The following PCSK5 variants were observed in gnomAD, a reference collection of about 807,000 sequenced individuals.
The protein encoded by PCSK5 is proprotein convertase subtilisin/kexin type 5.
PCSK5 carries 129 observed loss-of-function variants against 233.2 expected under a neutral mutation model. That is an observed-to-expected ratio of 0.55 (90% CI 0.48 to 0.64). The LOEUF is 0.64. PCSK5 is among the 30% of genes least tolerant of loss of function. The pLI is 0.00. For missense variants in PCSK5, 2,076 were observed against 2,430.1 expected (o/e 0.85, Z 3.06); for synonymous variants, 825 against 879.2 (o/e 0.94, Z 1.09).
At chr9:76,163,463 C>T (rs950952060) in intron 12 of PCSK5, among the ~76,000 whole-genome samples, 2 of 152,338 alleles carry the variant, frequency 1.3e-5, no homozygotes, top group East Asian at 1.9e-4. Flanking sequence ...CCCATTAGCC[C>T]GGCGTGCATG....
intron 3 of PCSK5, among the ~76,000 whole-genome samples, chr9:76,006,624 C>T (rs11144713): frequency 0.033 from 5,001 of 152,154 alleles, 168 homozygotes; most frequent in East Asian, 0.13. Flanking sequence ...AACACGTTTC[C>T]TTATTCTTCT....
At chr9:75,946,302 T>C (rs35383779) in intron 2 of PCSK5, among the ~76,000 whole-genome samples, 12,717 of 152,274 alleles carry the variant, frequency 0.084, 565 homozygotes, top group Middle Eastern at 0.14. Flanking sequence ...TGTTATAAAA[T>C]GAAAGCAACA....
At position 76,173,496 on chromosome 9, in the gene PCSK5, C is replaced by CTTTTTTTTTTTTTTTTTTTTTTTTTTTT. The variant is rs59248860; in HGVS notation, c.1757-1481_1757-1454dup. Among the ~76,000 whole-genome samples, 88 of 60,996 alleles carry CTTTTTTTTTTTTTTTTTTTTTTTTTTTT rather than the reference C, an allele frequency of 1.4e-3. 14 individuals carry two copies. The highest frequency in any genetic ancestry group is 0.029 in the Middle Eastern group (2 of 68). The allele number at this position is 60,996 out of a possible 152,430, so 40.0% of individuals were successfully genotyped here. Reference sequence around the variant, plus strand: ...CTTTAATGAAATGGAGGCACGTTTCCTTTTTTTTTTTTTTTTTTTTTTTTT... The same window carrying CTTTTTTTTTTTTTTTTTTTTTTTTTTTT: ...CTTTAATGAAATGGAGGCACGTTTCCTTTTTTTTTTTTTTTTTTTTTTTTTTTTTTTTTTTTTTTTTTTTTTTTTTTTT... On this transcript the variant is annotated intron_variant, in intron 13 of 37. Transcript: ENST00000674117.
chr9:76,199,506 T>C (rs1824830623), intron 20 of PCSK5, among the ~76,000 whole-genome samples: 1 of 152,150 alleles, frequency 6.6e-6, no homozygotes, highest in African/African-American at 2.4e-5. Context: ...TCTAGGATCT[T>C]GAGAATCTTC....
upstream of PCSK5, chr9:75,890,503 C>T (rs1001681944): frequency 1.3e-5 from 2 of 152,360 alleles, no homozygotes; most frequent in African/African-American, 4.8e-5. Context: ...CTGCCCGGAA[C>T]CCTGGAGGTT....
intron 3 of PCSK5, 38 bp from the exon 4 acceptor site, chr9:76,023,700 C>G (rs777052971): frequency 1.9e-6 from 3 of 1,548,484 alleles, no homozygotes; most frequent in Non-Finnish European, 2.6e-6. Context: ...CATTTCCTCA[C>G]TATTTAGTAA....
At chr9:76,346,541 ATTT>A (rs1164953939) in intron 35 of PCSK5, among the ~76,000 whole-genome samples, 1 of 150,864 alleles carries the variant, frequency 6.6e-6, no homozygotes, top group African/African-American at 2.4e-5. Flanking sequence ...TTTGGTGCTC[ATTT>A]TTTCTGCTAT....
chr9:76,003,539 TTA>T (rs1827348678), intron 3 of PCSK5, among the ~76,000 whole-genome samples: 1 of 152,218 alleles, frequency 6.6e-6, no homozygotes, highest in South Asian at 2.1e-4. Context: ...TTCTGTCTCT[TTA>T]TACACACATG....
intron 20 of PCSK5, among the ~76,000 whole-genome samples, chr9:76,224,819 G>A (rs944298291): frequency 1.3e-5 from 2 of 152,184 alleles, no homozygotes; most frequent in Admixed American, 6.5e-5. Context: ...GCAAACAAGA[G>A]ATACAGAAGA....
chr9:76,293,973 G>A (rs1828357005), intron 25 of PCSK5, among the ~76,000 whole-genome samples: 1 of 152,180 alleles, frequency 6.6e-6, no homozygotes, highest in African/African-American at 2.4e-5. Context: ...AAGGTGGGTG[G>A]ATCACCTGAG....
At chr9:75,931,030 C>T (rs532565696) in intron 1 of PCSK5, among the ~76,000 whole-genome samples, 2 of 152,134 alleles carry the variant, frequency 1.3e-5, no homozygotes, top group Non-Finnish European at 2.9e-5. Flanking sequence ...AGGATTTCAT[C>T]TGTGTAGGTC....
At chr9:75,931,301 A>C (rs4745471) in intron 1 of PCSK5, among the ~76,000 whole-genome samples, 7,529 of 150,714 alleles carry the variant, frequency 0.05, 243 homozygotes, top group South Asian at 0.099. Context: ...GACTTGTCCC[A>C]ACTGGAAAAC....
chr9:76,164,726 C>T (rs1367197896), intron 12 of PCSK5, among the ~76,000 whole-genome samples: 1 of 152,126 alleles, frequency 6.6e-6, no homozygotes, highest in Non-Finnish European at 1.5e-5. Flanking sequence ...ACTTTTGTGT[C>T]ATCAAAAGAC....
intron 3 of PCSK5, among the ~76,000 whole-genome samples, chr9:75,995,744 TACACACACACACACACACACAC>T: frequency 6.8e-6 from 1 of 146,052 alleles, no homozygotes; most frequent in African/African-American, 2.5e-5. Context: ...GATTCATTCA[TACACACACACACACACACACAC>T]ACACACACAC....
chr9:76,189,795 C>CAT, intron 20 of PCSK5, 49 bp downstream of exon 20: 1 of 990,126 alleles, frequency 1.0e-6, no homozygotes, highest in South Asian at 1.4e-5. Flanking sequence ...TATGATCTTT[C>CAT]TACTTTCAGG....
At chr9:76,044,685 C>T (rs773385656) in intron 5 of PCSK5, among the ~76,000 whole-genome samples, 35 of 152,152 alleles carry the variant, frequency 2.3e-4, no homozygotes, top group African/African-American at 8.2e-4. Context: ...CTAGTAATAG[C>T]CTAGTAAGAG....
intron 24 of PCSK5, among the ~76,000 whole-genome samples, chr9:76,254,241 G>A (rs1826906150): frequency 6.6e-6 from 1 of 152,220 alleles, no homozygotes; most frequent in Non-Finnish European, 1.5e-5. Context: ...AATAATGATT[G>A]TGTGTAATGG....
At chr9:76,086,724 G>A (rs1263786299) in intron 7 of PCSK5, among the ~76,000 whole-genome samples, 1 of 152,144 alleles carries the variant, frequency 6.6e-6, no homozygotes, top group Admixed American at 6.5e-5. Context: ...GGGGAAATCA[G>A]CACTGGATGA....
chr9:76,055,414 AT>A (rs1199903496), intron 5 of PCSK5, among the ~76,000 whole-genome samples: 2 of 151,960 alleles, frequency 1.3e-5, no homozygotes, highest in Non-Finnish European at 2.9e-5. Flanking sequence ...AAATTTTTAA[AT>A]TTTTTTTCTC....
Sources: allele counts gnomAD v4.1 joint callset (sites outside exome capture counted in the v4.1 genomes callset), GRCh38; gene constraint gnomAD v4.1.1; transcripts MANE v1.5; gene names NCBI Gene and HGNC (gene_info 2026-07-23, HGNC 2026-07-21).